P2RY12: variants seen among roughly 807,000 people sequenced by gnomAD.
P2RY12 encodes the protein purinergic receptor P2Y12, also known as P2Y purinoceptor 12.
A neutral mutation model predicts 4.5 loss-of-function variants in P2RY12; 3 were observed. That is an observed-to-expected ratio of 0.67 (90% CI 0.31 to 1.74). The LOEUF is 1.74. P2RY12 is among the 40% of genes most tolerant of loss of function. P2RY12 has a pLI of 0.09. For missense variants in P2RY12, 356 were observed against 407.8 expected (o/e 0.87, Z 1.09); for synonymous variants, 148 against 154.1 (o/e 0.96, Z 0.29).
chr3:151,365,073 A>G (rs757768217), intron 1 of P2RY12: 2 of 1,614,082 alleles, frequency 1.2e-6, no homozygotes, highest in Non-Finnish European at 1.7e-6. Flanking sequence ...GATGGATTTT[A>G]TTGAGAATCC....
chr3:151,382,892 A>G (rs1712643728), intron 1 of P2RY12: 1 of 601,614 alleles, frequency 1.7e-6, no homozygotes, highest in Non-Finnish European at 2.9e-6. Context: ...CCCTGTTTCT[A>G]AAGCCTTCTG....
At chr3:151,345,255 A>G (rs1577387907) in intron 1 of P2RY12, among the ~76,000 whole-genome samples, 3 of 152,216 alleles carry the variant, frequency 2.0e-5, no homozygotes, top group East Asian at 3.8e-4. Context: ...GTCTCCTGTA[A>G]CAGACTCTCC....
chr3:151,353,993 T>G (rs1343307105), intron 1 of P2RY12, among the ~76,000 whole-genome samples: 1 of 124,548 alleles, frequency 8.0e-6, no homozygotes, highest in Non-Finnish European at 1.6e-5. Flanking sequence ...TACAAAAAAT[T>G]AGCCGGGCGT....
At chr3:151,345,548 G>C (rs1057127670) in intron 1 of P2RY12, among the ~76,000 whole-genome samples, 3 of 66,886 alleles carry the variant, frequency 4.5e-5, no homozygotes, top group African/African-American at 1.2e-4. Context: ...ACCAAGTTTT[G>C]CTCTTGTCAC....
rs773597791 is a variant in P2RY12, at chr3:151,357,411, T to C, written c.-179-16651A>G. On this transcript the variant is annotated intron_variant, in intron 1 of 2. Coordinates refer to ENST00000302632, the MANE Select transcript of P2RY12 (RefSeq NM_022788.5). ...TAGCATGTCATTGTTGTTTTTCCAA[T>C]CTCAGAATGTATAACTAGTGATGAA... 11 of 1,527,846 alleles carry C rather than the reference T, an allele frequency of 7.2e-6. No homozygotes were observed. The South Asian group carries it at 1.1e-4, about 16-fold the overall frequency. The allele number at this position is 1,527,846 out of a possible 1,614,324, so 94.6% of individuals were successfully genotyped here.
chr3:151,382,320 C>T (rs749422190), intron 1 of P2RY12, among the ~76,000 whole-genome samples: 3 of 152,066 alleles, frequency 2.0e-5, no homozygotes, highest in Non-Finnish European at 4.4e-5. Context: ...TCTCTCTCTC[C>T]AGTGTTTTTC....
intron 1 of P2RY12, chr3:151,382,638 T>C: frequency 1.3e-6 from 2 of 1,589,396 alleles, no homozygotes; most frequent in Non-Finnish European, 8.6e-7. Flanking sequence ...TAATGGGGAG[T>C]TTTTTTCCGG....
intron 1 of P2RY12, among the ~76,000 whole-genome samples, chr3:151,350,933 T>C (rs551202242): frequency 1.3e-5 from 2 of 152,352 alleles, no homozygotes; most frequent in South Asian, 4.1e-4. Context: ...TTTATTTCAT[T>C]AGGCAATCAA....
At chr3:151,340,293 T>C (rs1370453306) in intron 2 of P2RY12, among the ~76,000 whole-genome samples, 1 of 152,176 alleles carries the variant, frequency 6.6e-6, no homozygotes, top group East Asian at 1.9e-4. Context: ...ATTCTTGACA[T>C]TGAGAATTTC....
chr3:151,359,501 G>GAC (rs768629157), intron 1 of P2RY12, among the ~76,000 whole-genome samples: 117 of 152,060 alleles, frequency 7.7e-4, no homozygotes, highest in Non-Finnish European at 1.4e-3. Context: ...CCTTGGCCTA[G>GAC]ACATCCTATG....
At chr3:151,372,471 T>A in intron 1 of P2RY12, 1 of 851,286 alleles carries the variant, frequency 1.2e-6, no homozygotes, top group Middle Eastern at 2.2e-4. Context: ...ACTGTTCATA[T>A]ATTTTAAATC....
At chr3:151,383,891 A>G in intron 1 of P2RY12, 1 of 1,610,330 alleles carries the variant, frequency 6.2e-7, no homozygotes, top group Non-Finnish European at 8.5e-7. Context: ...ACTAACAAGT[A>G]TGTTTTTATC....
At chr3:151,344,784 G>A (rs1405457591) in intron 1 of P2RY12, among the ~76,000 whole-genome samples, 1 of 152,078 alleles carries the variant, frequency 6.6e-6, no homozygotes, top group Non-Finnish European at 1.5e-5. Context: ...TTTTCCTTAA[G>A]GACATTAGTA....
rs768984130 is a variant in P2RY12 at position 151,376,164 on chromosome 3, T to C, written c.-180+8528A>G. The C allele has an allele frequency of 2.2e-5, 35 of 1,608,012 alleles. No individual in the cohort carries two copies. Among genetic ancestry groups the C allele is most frequent in the Non-Finnish European group, 3.0e-5 (35 of 1,177,938 alleles). On this transcript the variant is annotated intron_variant, in intron 1 of 2. Coordinates refer to ENST00000302632, the MANE Select transcript of P2RY12 (RefSeq NM_022788.5). ...CTGTTATCCTCATGGCATTAAAGAA[T>C]GTACCGAGGGGGACAATCTGCAAAG... is the stretch of plus-strand genomic sequence containing the variant.
chr3:151,380,049 G>A, intron 1 of P2RY12: 1 of 1,008,990 alleles, frequency 9.9e-7, no homozygotes, highest in Non-Finnish European at 1.5e-6. Flanking sequence ...AGAAATGAAT[G>A]TTGCCAGAGG....
chr3:151,360,726 T>C, intron 1 of P2RY12: 5 of 838,128 alleles, frequency 6.0e-6, no homozygotes, highest in Non-Finnish European at 7.5e-6. Context: ...TATTAGGCAG[T>C]AATTTTGATA....
rs1157481879 is a variant in P2RY12, at chr3:151,337,749, T to C, written c.*68A>G. 28 of 1,491,596 alleles carry C rather than the reference T, an allele frequency of 1.9e-5. No homozygotes were observed. The highest frequency in any genetic ancestry group is 2.4e-5 in the Non-Finnish European group (26 of 1,080,202). 92.4% of individuals were successfully genotyped at this position (1,491,596 alleles called of 1,614,324 possible). The stretch of plus-strand genomic sequence containing the variant: ...GTTGCTTCTTCGTCAGTTAATATTT[T>C]TACTTAGCGCTTTGCTTTAACGAGT... On this transcript the variant is annotated 3_prime_UTR_variant, in exon 3 of 3. Transcript: ENST00000302632.
At chr3:151,383,696 A>G (rs555700904) in intron 1 of P2RY12, 1 of 836,392 alleles carries the variant, frequency 1.2e-6, no homozygotes, top group East Asian at 2.6e-5. Context: ...AATAAAAAAC[A>G]ATCAAAATTT....
At chr3:151,380,784 CTT>C (rs912069163) in intron 1 of P2RY12, among the ~76,000 whole-genome samples, 1 of 152,110 alleles carries the variant, frequency 6.6e-6, no homozygotes, top group African/African-American at 2.4e-5. Flanking sequence ...TTGCATATAA[CTT>C]TGAACTATCT....
Sources: gnomAD v4.1 joint callset for allele counts (sites outside exome capture counted in the v4.1 genomes callset) on GRCh38, gnomAD v4.1.1 for gene constraint, MANE v1.5 for transcripts, NCBI Gene and HGNC (gene_info 2026-07-23, HGNC 2026-07-21) for gene names.